Variants in CYP4F22 observed in about 807,000 individuals in gnomAD.
The protein encoded by CYP4F22 is ultra-long-chain fatty acid omega-hydroxylase.
A neutral mutation model predicts 60.4 loss-of-function variants in CYP4F22; 37 were observed. The observed-to-expected ratio is 0.61, with a 90% CI of 0.47 to 0.81. CYP4F22 has a LOEUF of 0.81. CYP4F22 is among the 30% of genes least tolerant of loss of function. CYP4F22 has a pLI of 0.00. For missense variants in CYP4F22, 655 were observed against 715.0 expected, an observed-to-expected ratio of 0.92 and a Z score of 0.96; for synonymous variants, 258 against 280.5, an observed-to-expected ratio of 0.92 and a Z score of 0.80.
In CYP4F22 at chr19:15,540,626, G is replaced by A. The variant is rs141902603; in HGVS notation, c.848G>A (p.Arg283Gln). 3.0e-5 allele frequency: 49 copies of A among 1,614,102 alleles called. No homozygotes were observed. The highest frequency in any genetic ancestry group is 2.9e-4 in the African/African-American group (22 of 74,942). ...ACCACTGAAGTCATCCAGGAACGGCGGCGGGCACTGCGTCAGCAGGGGGCC... is the reference window on the plus strand; with the variant it reads ...ACCACTGAAGTCATCCAGGAACGGCAGCGGGCACTGCGTCAGCAGGGGGCC... ...HFTTEVIQER[R>Q]RALRQQGAEA... is the part of the protein sequence containing the mutation. Residue 283 changes from arginine (R) to glutamine (Q), a missense_variant, in exon 8 of 14, where the codon CGG becomes CAG. By Grantham distance (43) the Arg-to-Gln change is conservative. Transcript: ENST00000269703.
At chr19:15,510,476 C>A (rs959731396) in intron 1 of CYP4F22, among the ~76,000 whole-genome samples, 12 of 152,084 alleles carry the variant, frequency 7.9e-5, no homozygotes, top group African/African-American at 2.9e-4. Flanking sequence ...GAAATTGAGG[C>A]TCAGAGAGGT....
chr19:15,520,363 A>C (rs772416347), intron 1 of CYP4F22, among the ~76,000 whole-genome samples: 1 of 146,648 alleles, frequency 6.8e-6, no homozygotes, highest in African/African-American at 2.5e-5. Context: ...AAAAAAAAAC[A>C]AAAACTAAAA....
intron 4 of CYP4F22, among the ~76,000 whole-genome samples, chr19:15,533,799 T>G (rs752844225): frequency 1.3e-5 from 2 of 152,072 alleles, no homozygotes; most frequent in Non-Finnish European, 2.9e-5. Context: ...AGATGGGGTC[T>G]TGCTATGTTG....
intron 8 of CYP4F22, among the ~76,000 whole-genome samples, chr19:15,542,578 G>C (rs933083512): frequency 2.6e-5 from 4 of 152,162 alleles, no homozygotes; most frequent in Non-Finnish European, 4.4e-5. Flanking sequence ...TCAAGGATAC[G>C]TGTGTAGGGC....
At chr19:15,522,155 A>G (rs1320417008) in intron 1 of CYP4F22, among the ~76,000 whole-genome samples, 3 of 151,774 alleles carry the variant, frequency 2.0e-5, no homozygotes, top group Non-Finnish European at 1.5e-5. Flanking sequence ...CAGAAAAAAA[A>G]AAAAAAAAAA....
chr19:15,520,020 T>C (rs958214412), intron 1 of CYP4F22, among the ~76,000 whole-genome samples: 4 of 152,138 alleles, frequency 2.6e-5, no homozygotes, highest in Non-Finnish European at 4.4e-5. Flanking sequence ...TGTGTGTGTG[T>C]GCGCGTGCAC....
chr19:15,533,712 T>C (rs1971367926), intron 4 of CYP4F22, among the ~76,000 whole-genome samples: 1 of 150,452 alleles, frequency 6.6e-6, no homozygotes, highest in African/African-American at 2.4e-5. Context: ...ATTCTCCTCC[T>C]GCCTCAGCCT....
At chr19:15,517,387 C>A (rs1193001230) in intron 1 of CYP4F22, among the ~76,000 whole-genome samples, 3 of 152,148 alleles carry the variant, frequency 2.0e-5, no homozygotes, top group African/African-American at 7.2e-5. Flanking sequence ...GGGGCAGAGC[C>A]AGGGGTTGTT....
At chr19:15,529,285 A>T (rs1971316546) in intron 3 of CYP4F22, among the ~76,000 whole-genome samples, 1 of 151,856 alleles carries the variant, frequency 6.6e-6, no homozygotes, top group East Asian at 1.9e-4. Context: ...CCCACCACCA[A>T]GCCCAGCTAA....
chr19:15,537,502 GA>G, intron 5 of CYP4F22, 32 bp from the exon 6 acceptor site: 1 of 1,614,152 alleles, frequency 6.2e-7, no homozygotes, highest in Non-Finnish European at 8.5e-7. Context: ...AGAGTAACAG[GA>G]GAGGTCCCTA....
chr19:15,545,648 CAAAAA>C (rs1217096575), intron 10 of CYP4F22, among the ~76,000 whole-genome samples: 1,364 of 38,940 alleles, frequency 0.035, 36 homozygotes, highest in African/African-American at 0.14. Context: ...GACCCTGTCT[CAAAAA>C]AAAAAAAAAA....
chr19:15,549,289 C>A (rs1971568161), intron 12 of CYP4F22, 87 bp downstream of exon 12: 8 of 1,340,490 alleles, frequency 6.0e-6, no homozygotes, highest in Non-Finnish European at 8.6e-6. Flanking sequence ...GGTTGCAGGG[C>A]CTGAGTGCGC....
At chr19:15,508,867 C>A (rs1017185891) in intron 1 of CYP4F22, among the ~76,000 whole-genome samples, 2 of 151,578 alleles carry the variant, frequency 1.3e-5, no homozygotes, top group African/African-American at 4.8e-5. Flanking sequence ...GTCCTAGGCG[C>A]ATCCTTTTCT....
intron 4 of CYP4F22, 77 bp from the exon 5 acceptor site, chr19:15,537,284 G>A: frequency 6.3e-7 from 1 of 1,585,052 alleles, no homozygotes; most frequent in Non-Finnish European, 8.6e-7. Flanking sequence ...CTGGATGACA[G>A]AGCAAGACTC....
rs374714583 is a variant in CYP4F22, at chr19:15,529,761, T to C, written c.275T>C (p.Met92Thr). 3 of 1,614,128 alleles carry C rather than the reference T, an allele frequency of 1.9e-6. No individual in the cohort carries two copies. The highest frequency in any genetic ancestry group is 3.3e-5 in the Admixed American group (2 of 59,998). ...LQDEKKVLDN[M>T]HHVLLVWMGP... ...GATGAGAAGAAGGTACTGGACAACA[T>C]GCACCATGTACTCTTGGTATGGATG... Residue 92 changes from methionine (M) to threonine (T), a missense_variant, in exon 4 of 14, where the codon ATG becomes ACG. Physicochemically the swap from Met to Thr is moderately conservative, Grantham distance 81. This residue lies in a region of CYP4F22 where 430 missense variants were observed against 457.1 expected (regional missense o/e 0.94). Coordinates refer to ENST00000269703, the MANE Select transcript of CYP4F22 (RefSeq NM_173483.4).
chr19:15,520,300 C>T (rs1468144353), intron 1 of CYP4F22, among the ~76,000 whole-genome samples: 2 of 147,166 alleles, frequency 1.4e-5, no homozygotes, highest in Non-Finnish European at 1.5e-5. Flanking sequence ...GAGCTGAGAT[C>T]GCGCCACTGT....
At chr19:15,517,110 C>T (rs751466764) in intron 1 of CYP4F22, among the ~76,000 whole-genome samples, 9 of 152,148 alleles carry the variant, frequency 5.9e-5, no homozygotes, top group Non-Finnish European at 8.8e-5. Flanking sequence ...TGTGAGCCAC[C>T]GTGCCCGACC....
At chr19:15,543,680 A>G (rs1971488763) in intron 8 of CYP4F22, among the ~76,000 whole-genome samples, 1 of 152,004 alleles carries the variant, frequency 6.6e-6, no homozygotes, top group African/African-American at 2.4e-5. Flanking sequence ...AATATGGCAA[A>G]ATTGCATCTC....
chr19:15,549,096 C>A, intron 11 of CYP4F22, 42 bp from the exon 12 acceptor site: 2 of 1,611,646 alleles, frequency 1.2e-6, no homozygotes, highest in Non-Finnish European at 1.7e-6. Flanking sequence ...TGGAGGAGGC[C>A]CTGGCTCCCC....
Sources: gnomAD v4.1 joint callset for allele counts (sites outside exome capture counted in the v4.1 genomes callset) on GRCh38, gnomAD v4.1.1 for gene constraint, gnomAD v4.1.1 regional missense constraint, MANE v1.5 for transcripts, NCBI Gene and HGNC (gene_info 2026-07-23, HGNC 2026-07-21) for gene names.